ADD2: variants seen among roughly 807,000 people sequenced by gnomAD.
The protein encoded by ADD2 is beta-adducin.
Under a neutral mutation model 83.0 loss-of-function variants are expected in ADD2, and 23 were observed. That is an observed-to-expected ratio of 0.28 (90% CI 0.20 to 0.39). The LOEUF is 0.39. Ranked by LOEUF, ADD2 falls within the 10% of genes least tolerant of loss-of-function variation. The probability of loss-of-function intolerance (pLI) is 1.00; values close to 1 mark genes in which losing one functional copy is unlikely to be tolerated. For synonymous variants in ADD2, 375 were observed against 375.4 expected (o/e 1.00, Z 0.01); for missense variants, 758 against 944.9 (o/e 0.80, Z 2.59).
chr2:70,761,469 G>A (rs1364831337), intron 1 of ADD2, among the ~76,000 whole-genome samples: 15 of 150,936 alleles, frequency 9.9e-5, no homozygotes, highest in Non-Finnish European at 1.6e-4. Flanking sequence ...TTAGCCGGGC[G>A]TGGTGGCAGG....
At chr2:70,740,972 T>C (rs1434240079) in intron 1 of ADD2, among the ~76,000 whole-genome samples, 2 of 152,242 alleles carry the variant, frequency 1.3e-5, no homozygotes, top group African/African-American at 2.4e-5. Context: ...AGTGCTGGGA[T>C]TATAGGCATG....
chr2:70,709,729 T>C (rs3771452), intron 2 of ADD2, among the ~76,000 whole-genome samples: 100,206 of 152,150 alleles, frequency 0.66, 33,279 homozygotes, highest in African/African-American at 0.75. Context: ...GAGCAAGAGA[T>C]CTTCCCGCTT....
chr2:70,757,116 C>A (rs2104548481), intron 1 of ADD2, among the ~76,000 whole-genome samples: 1 of 152,314 alleles, frequency 6.6e-6, no homozygotes, highest in South Asian at 2.1e-4. Flanking sequence ...GGATAAGCCA[C>A]CGTGCCCGGC....
intron 1 of ADD2, among the ~76,000 whole-genome samples, chr2:70,724,955 A>G (rs1022182998): frequency 3.9e-5 from 6 of 152,196 alleles, no homozygotes; most frequent in African/African-American, 1.2e-4. Flanking sequence ...TCTCTCCTCT[A>G]CTGCCTCTTC....
chr2:70,697,073 C>T (rs1012072068), intron 4 of ADD2, among the ~76,000 whole-genome samples: 5 of 152,178 alleles, frequency 3.3e-5, no homozygotes, highest in Non-Finnish European at 7.3e-5. Context: ...GCAGGAGAAT[C>T]GTTTGAACCT....
In ADD2 at chr2:70,658,981, A is replaced by G. The variant is rs1212540656; in HGVS notation, c.*4444T>C. On this transcript the variant is annotated 3_prime_UTR_variant, in exon 16 of 16. Transcript: ENST00000264436. Reference sequence around the variant, plus strand: ...AACATGGTGAAACCCCGTCTCTACTAAAAATACAAAAATTAGCTGGGCAAG... The same window carrying G: ...AACATGGTGAAACCCCGTCTCTACTGAAAATACAAAAATTAGCTGGGCAAG... 1 of 152,022 alleles carries G rather than the reference A, an allele frequency of 6.6e-6. No homozygotes were observed. The highest frequency in any genetic ancestry group is 1.9e-4 in the East Asian group (1 of 5,156). The allele number at this position is 152,022 out of a possible 1,614,324, so 9.4% of individuals were successfully genotyped here.
intron 8 of ADD2, among the ~76,000 whole-genome samples, chr2:70,688,773 G>A (rs782596151): frequency 2.0e-5 from 3 of 152,022 alleles, no homozygotes; most frequent in Admixed American, 6.6e-5. Flanking sequence ...CTAACTCATC[G>A]GTTTTATAGA....
chr2:70,753,574 GTCAGGGATGTGTGTCAGGGGTT>G (rs1674622102), intron 1 of ADD2, among the ~76,000 whole-genome samples: 1 of 152,084 alleles, frequency 6.6e-6, no homozygotes, highest in Admixed American at 6.5e-5. Flanking sequence ...AGAGCAGCAT[GTCAGGGATGTGTGTCAGGGGTT>G]GGGGGGTGGG....
chr2:70,743,977 C>A (rs1270030416), intron 1 of ADD2, among the ~76,000 whole-genome samples: 1 of 152,196 alleles, frequency 6.6e-6, no homozygotes, highest in Non-Finnish European at 1.5e-5. Flanking sequence ...TTCTATGTGT[C>A]AGACACTGTT....
chr2:70,692,356 G>T, intron 7 of ADD2, 47 bp downstream of exon 7: 1 of 1,478,256 alleles, frequency 6.8e-7, no homozygotes, highest in Non-Finnish European at 9.0e-7. Context: ...CTACAACCTC[G>T]GCAGCCTTAC....
chr2:70,748,555 G>C (rs1674348511), intron 1 of ADD2, among the ~76,000 whole-genome samples: 1 of 152,130 alleles, frequency 6.6e-6, no homozygotes, highest in African/African-American at 2.4e-5. Flanking sequence ...TCCTACCTGG[G>C]AATGGAGACT....
At chr2:70,678,581 C>A in intron 11 of ADD2, 123 bp downstream of exon 11, 1 of 1,389,736 alleles carries the variant, frequency 7.2e-7, no homozygotes, top group Non-Finnish European at 9.5e-7. Context: ...TAATAGGAAG[C>A]CCAAAGAGGA....
intron 4 of ADD2, among the ~76,000 whole-genome samples, chr2:70,701,807 A>C (rs1389215554): frequency 1.3e-5 from 2 of 152,198 alleles, no homozygotes; most frequent in African/African-American, 4.8e-5. Context: ...AAAATTTCAG[A>C]GTAAACTTCA....
At chr2:70,767,057 G>A (rs1268206361) in intron 1 of ADD2, among the ~76,000 whole-genome samples, 2 of 152,144 alleles carry the variant, frequency 1.3e-5, no homozygotes, top group African/African-American at 2.4e-5. Flanking sequence ...GGCCAGACCC[G>A]AGAGCCTGAT....
At position 70,764,005 on chromosome 2, in the gene ADD2, A is replaced by T. The variant is rs1393372613; in HGVS notation, c.-154+3881T>A. On this transcript the variant is annotated intron_variant, in intron 1 of 15. Transcript: ENST00000264436. ...AGGATTCAAGTGATTCTCCTGCCTC[A>T]GCCTCCCGAGTAGCTGAGATTACAG... Among the ~76,000 whole-genome samples the T allele has an allele frequency of 5.3e-5, 8 of 151,250 alleles. No individual in the cohort carries two copies. The East Asian group carries it at 1.6e-3, about 29-fold the overall frequency.
intron 2 of ADD2, among the ~76,000 whole-genome samples, chr2:70,709,586 CA>C (rs1281214318): frequency 3.9e-5 from 6 of 152,152 alleles, no homozygotes; most frequent in Non-Finnish European, 5.9e-5. Flanking sequence ...TCACTTTGCC[CA>C]GCTCTAAATC....
Position 70,713,198 on chromosome 2 carries a change from A to C in ADD2, c.-153-14T>G. On this transcript the variant is annotated splice_polypyrimidine_tract_variant and intron_variant, in intron 1 of 15. Coordinates refer to ENST00000264436, the MANE Select transcript of ADD2 (RefSeq NM_001617.4). ...TCCAGGTGGAAACTGCAAAACACAA[A>C]CACGACAAGTGTCAGGGCCTGCACC... 1 of 972,254 alleles carries C rather than the reference A, an allele frequency of 1.0e-6. No individual in the cohort carries two copies. Among genetic ancestry groups the C allele is most frequent in the Non-Finnish European group, 1.2e-6 (1 of 817,994 alleles). The allele number at this position is 972,254 out of a possible 1,614,324, so 60.2% of individuals were successfully genotyped here.
chr2:70,750,865 T>A (rs1275451466), intron 1 of ADD2, among the ~76,000 whole-genome samples: 1 of 152,166 alleles, frequency 6.6e-6, no homozygotes, highest in Non-Finnish European at 1.5e-5. Flanking sequence ...TGTCCAGGAA[T>A]GAGAATTAAG....
intron 1 of ADD2, among the ~76,000 whole-genome samples, chr2:70,734,619 C>T (rs1457624710): frequency 3.3e-5 from 5 of 152,160 alleles, no homozygotes; most frequent in African/African-American, 9.7e-5. Context: ...AGTGAGCCAG[C>T]CACTGGCAGG....
Sources: gnomAD v4.1 joint callset for allele counts (sites outside exome capture counted in the v4.1 genomes callset) on GRCh38, gnomAD v4.1.1 for gene constraint, MANE v1.5 for transcripts, NCBI Gene and HGNC (gene_info 2026-07-23, HGNC 2026-07-21) for gene names.